Variants in PCDHGA6 observed in about 807,000 individuals in gnomAD.
PCDHGA6 encodes the protein protocadherin gamma subfamily A, 6.
PCDHGA6 carries 41 observed loss-of-function variants against 60.6 expected under a neutral mutation model. The observed-to-expected ratio is 0.68, with a 90% CI of 0.53 to 0.88. PCDHGA6 has a LOEUF of 0.88. Ranked by LOEUF, PCDHGA6 falls within the 40% of genes least tolerant of loss-of-function variation. PCDHGA6 has a pLI of 0.00. For missense variants in PCDHGA6, 1,312 were observed against 1,203.0 expected, an observed-to-expected ratio of 1.09 and a Z score of -1.34; for synonymous variants, 594 against 524.4, an observed-to-expected ratio of 1.13 and a Z score of -1.81.
intron 1 of PCDHGA6, chr5:141,415,739 G>GTTTTT (rs1561759437): frequency 2.3e-6 from 1 of 434,538 alleles, no homozygotes; most frequent in African/African-American, 3.3e-5. Flanking sequence ...TGTTTATTAA[G>GTTTTT]GTTTTTTTTT....
intron 1 of PCDHGA6, chr5:141,428,153 CT>C (rs2097116745): frequency 6.3e-7 from 1 of 1,581,370 alleles, no homozygotes; most frequent in Admixed American, 1.7e-5. Flanking sequence ...ACACGGGAAC[CT>C]GCTGGTTGCT....
intron 1 of PCDHGA6, among the ~76,000 whole-genome samples, chr5:141,444,256 C>T (rs1445343718): frequency 2.1e-5 from 3 of 146,298 alleles, no homozygotes; most frequent in African/African-American, 5.1e-5. Context: ...ACTGCAACCT[C>T]CGCCTCCCAG....
intron 1 of PCDHGA6, chr5:141,441,665 A>G (rs994092543): frequency 2.3e-5 from 6 of 265,720 alleles, no homozygotes; most frequent in Non-Finnish European, 3.7e-5. Context: ...CCTTGAGCGC[A>G]CAGTGCGCCT....
intron 1 of PCDHGA6, chr5:141,419,150 C>T (rs1276109093): frequency 1.2e-6 from 2 of 1,613,850 alleles, no homozygotes; most frequent in Admixed American, 3.3e-5. Flanking sequence ...GGGCAAGCCT[C>T]CGTTATCCTC....
intron 1 of PCDHGA6, chr5:141,421,470 A>T: frequency 2.5e-6 from 4 of 1,614,130 alleles, no homozygotes; most frequent in Non-Finnish European, 3.4e-6. Context: ...TGAATCCGCG[A>T]AGCGGCAGCT....
chr5:141,409,502 T>C, intron 1 of PCDHGA6: 2 of 1,613,986 alleles, frequency 1.2e-6, no homozygotes, highest in South Asian at 1.1e-5. Flanking sequence ...GCCTCTTTCT[T>C]CCAGTAGAAG....
chr5:141,390,060 C>G, intron 1 of PCDHGA6: 3 of 1,614,082 alleles, frequency 1.9e-6, no homozygotes, highest in Non-Finnish European at 2.5e-6. Flanking sequence ...GAGCTGCTTC[C>G]AGCCTGGTCT....
intron 1 of PCDHGA6, among the ~76,000 whole-genome samples, chr5:141,401,290 C>T (rs1460193254): frequency 6.6e-6 from 1 of 151,710 alleles, no homozygotes; most frequent in Non-Finnish European, 1.5e-5. Flanking sequence ...TGCGGTGAGC[C>T]GAGATCACTC....
At chr5:141,408,104 C>A (rs546603908) in intron 1 of PCDHGA6, 5 of 1,441,798 alleles carry the variant, frequency 3.5e-6, no homozygotes, top group Non-Finnish European at 2.7e-6. Flanking sequence ...CTCCGAGACC[C>A]GGGACTCCTC....
intron 2 of PCDHGA6, among the ~76,000 whole-genome samples, chr5:141,504,369 A>G (rs968327872): frequency 6.6e-5 from 10 of 152,272 alleles, no homozygotes; most frequent in Non-Finnish European, 1.2e-4. Context: ...AGTAGGAAGC[A>G]GGTGGAGTCG....
chr5:141,489,225 A>G lies in PCDHGA6; in HGVS notation c.2425-5582A>G. 3 of 1,518,230 alleles carry G rather than the reference A, an allele frequency of 2.0e-6. No individual in the cohort carries two copies. Among genetic ancestry groups the G allele is most frequent in the East Asian group, 2.3e-5 (1 of 44,234 alleles). 94.0% of individuals were successfully genotyped at this position (1,518,230 alleles called of 1,614,324 possible). On this transcript the variant is annotated intron_variant, in intron 1 of 3. Coordinates refer to ENST00000517434, the MANE Select transcript of PCDHGA6 (RefSeq NM_018919.3). The surrounding 1 kb of genome is among the most constrained non-coding windows in gnomAD (Gnocchi z 4.5). ...GGACAGCACAGACTTACTCTCCACA[A>G]AGGGACTTCTGGGTCATGGGGCCCA...
Position 141,432,211 on chromosome 5 carries a change from C to T in PCDHGA6, c.2424+55704C>T. 6.2e-7 allele frequency: 1 copy of T among 1,614,232 alleles called. No homozygotes were observed. The highest frequency in any genetic ancestry group is 8.5e-7 in the Non-Finnish European group (1 of 1,180,044). On this transcript the variant is annotated intron_variant, in intron 1 of 3. Coordinates refer to ENST00000517434, the MANE Select transcript of PCDHGA6 (RefSeq NM_018919.3). The surrounding 1 kb of genome is among the most constrained non-coding windows in gnomAD (Gnocchi z 6.0). ...CCCACGACCCCGACTGTGAAGAGAA[C>T]GCCCAGATCACTTATTCCCTGGCTG... is the stretch of plus-strand genomic sequence containing the variant.
chr5:141,413,816 T>A (rs1422730893), intron 1 of PCDHGA6: 1 of 1,613,128 alleles, frequency 6.2e-7, no homozygotes, highest in Non-Finnish European at 8.5e-7. Flanking sequence ...ATTCACCACC[T>A]GGTCCTCACC....
chr5:141,478,744 T>C, intron 1 of PCDHGA6: 1 of 1,528,172 alleles, frequency 6.5e-7, no homozygotes, highest in Non-Finnish European at 8.8e-7. Flanking sequence ...TGTGGTCCCA[T>C]TTCAGGGGGA....
chr5:141,476,596 C>T lies in PCDHGA6; in HGVS notation c.2425-18211C>T. 1 of 1,614,224 alleles carries T rather than the reference C, an allele frequency of 6.2e-7. No homozygotes were observed. Among genetic ancestry groups the T allele is most frequent in the Non-Finnish European group, 8.5e-7 (1 of 1,180,038 alleles). On this transcript the variant is annotated intron_variant, in intron 1 of 3. Coordinates refer to ENST00000517434, the MANE Select transcript of PCDHGA6 (RefSeq NM_018919.3). The surrounding 1 kb of genome is among the most constrained non-coding windows in gnomAD (Gnocchi z 7.6). The stretch of plus-strand genomic sequence containing the variant: ...CGCGCTTTCCGCTCGAGAGCGCGCA[C>T]GATCCCGATGTGGGAAGCAACTCTT...
intron 1 of PCDHGA6, among the ~76,000 whole-genome samples, chr5:141,443,832 A>G (rs2098407108): frequency 6.6e-6 from 1 of 152,224 alleles, no homozygotes; most frequent in African/African-American, 2.4e-5. Context: ...ATTAGGTAAA[A>G]TGGGTAATAT....
intron 1 of PCDHGA6, among the ~76,000 whole-genome samples, chr5:141,407,377 C>A (rs1436703926): frequency 6.6e-6 from 1 of 152,170 alleles, no homozygotes; most frequent in Non-Finnish European, 1.5e-5. Context: ...TCCATGAAGG[C>A]TTGTATGTCA....
intron 1 of PCDHGA6, chr5:141,421,930 G>T (rs780569992): frequency 3.1e-6 from 5 of 1,613,480 alleles, no homozygotes; most frequent in Non-Finnish European, 4.2e-6. Context: ...GGTGGTCCTC[G>T]ATGTAAATGA....
At chr5:141,441,073 G>A (rs1591647632) in intron 1 of PCDHGA6, 1 of 152,152 alleles carries the variant, frequency 6.6e-6, no homozygotes, top group Non-Finnish European at 1.5e-5. Flanking sequence ...AATTTCCATG[G>A]TTTTGGTAGC....
Sources: gnomAD v4.1 joint callset for allele counts (sites outside exome capture counted in the v4.1 genomes callset) on GRCh38, gnomAD v4.1.1 for gene constraint, Gnocchi (gnomAD v3.1) non-coding constraint, MANE v1.5 for transcripts, NCBI Gene and HGNC (gene_info 2026-07-23, HGNC 2026-07-21) for gene names.